PLCH2: variants seen among roughly 807,000 people sequenced by gnomAD.
PLCH2 encodes phospholipase C eta 2.
A neutral mutation model predicts 134.7 loss-of-function variants in PLCH2; 98 were observed. The ratio of observed to expected loss-of-function variants is 0.73; its 90% CI spans 0.62 to 0.86. PLCH2 has a LOEUF of 0.86. Ranked by LOEUF, PLCH2 falls within the 40% of genes least tolerant of loss-of-function variation. PLCH2 has a pLI of 0.00. For missense variants in PLCH2, 1,994 were observed against 1,986.6 expected, an observed-to-expected ratio of 1.00 and a Z score of -0.07; for synonymous variants, 974 against 827.5, an observed-to-expected ratio of 1.18 and a Z score of -3.04.
rs770391670 is a variant in PLCH2, at chr1:2,479,943, G to A, written c.481G>A (p.Asp161Asn). 1 of 1,608,324 alleles carries A rather than the reference G, an allele frequency of 6.2e-7. No homozygotes were observed. Among genetic ancestry groups the A allele is most frequent in the African/African-American group, 1.3e-5 (1 of 74,856 alleles). ...CCTCATGGCCGGCATCAGCGACGAG[G>A]ACAGCCTGGCTCGCCGCCAGCGCAC... ...RYLMAGISDEDSLARRQRTRD... is the reference protein window; with the variant it reads ...RYLMAGISDENSLARRQRTRD... Residue 161 changes from aspartate (D) to asparagine (N), a missense_variant, in exon 3 of 22, where the codon GAC becomes AAC. Asp to Asn is a conservative substitution (Grantham distance 23). Transcript: ENST00000378486.
chr1:2,480,840 A>T (rs4648638), intron 4 of PLCH2, among the ~76,000 whole-genome samples: 93,468 of 152,110 alleles, frequency 0.61, 28,859 homozygotes, highest in East Asian at 0.78. Flanking sequence ...CTGTTTCCGG[A>T]AAGCCTGCTG....
rs549247398 is a variant in PLCH2, at chr1:2,501,948, A to C, written c.2662-164A>C. 6 of 573,264 alleles carry C rather than the reference A, an allele frequency of 1.0e-5. No individual in the cohort carries two copies. The Admixed American group carries it at 2.2e-4, about 21-fold the overall frequency. 35.5% of individuals were successfully genotyped at this position (573,264 alleles called of 1,614,324 possible). A position where few individuals can be genotyped will look rare whatever the true frequency, so the allele number is the denominator to read the frequency against. On this transcript the variant is annotated intron_variant, in intron 20 of 21. Transcript: ENST00000378486. ...GCTGCCCTAGGGACCCTGCTCCTGA[A>C]GGCCCTGGTGTGTCCACACACCCCC...
intron 7 of PLCH2, 71 bp from the exon 8 acceptor site, chr1:2,487,527 G>A: frequency 1.3e-6 from 2 of 1,552,678 alleles, no homozygotes; most frequent in Non-Finnish European, 1.7e-6. Context: ...CCCTCTTTTG[G>A]TCGAAGCTCA....
intron 4 of PLCH2, among the ~76,000 whole-genome samples, chr1:2,480,727 C>T (rs1641917542): frequency 1.3e-5 from 2 of 152,228 alleles, no homozygotes; most frequent in South Asian, 4.1e-4. Context: ...CGCAGCAGCT[C>T]GTTACTTTCC....
Position 2,480,321 on chromosome 1 carries a change from G to A in PLCH2, c.645+9G>A, listed in dbSNP as rs1441304884. 6.2e-7 allele frequency: 1 copy of A among 1,610,218 alleles called. No homozygotes were observed. Among genetic ancestry groups the A allele is most frequent in the African/African-American group, 1.3e-5 (1 of 74,892 alleles). On this transcript the variant is annotated intron_variant, in intron 4 of 21. Coordinates refer to ENST00000378486, the MANE Select transcript of PLCH2 (RefSeq NM_014638.4). ...TGAAGCAGATGTTCAGGGTGAGCTG[G>A]GGGGAGCCCTACCTGGGCTCCAGAG...
chr1:2,472,383 C>T (rs1641365929), upstream of PLCH2, among the ~76,000 whole-genome samples: 1 of 152,210 alleles, frequency 6.6e-6, no homozygotes, highest in Non-Finnish European at 1.5e-5. Context: ...TCAGCCCCTC[C>T]TGCATGCTGG....
chr1:2,437,366 T>G (rs1035639050), intron 2 of PLCH2, among the ~76,000 whole-genome samples: 4 of 152,126 alleles, frequency 2.6e-5, no homozygotes, highest in African/African-American at 9.7e-5. Flanking sequence ...GACTTAGACC[T>G]CCTCTGGCCA....
intron 21 of PLCH2, 45 bp from the exon 22 acceptor site, chr1:2,503,877 C>T: frequency 1.5e-6 from 1 of 682,668 alleles, no homozygotes; most frequent in Non-Finnish European, 2.7e-6. Flanking sequence ...TCTCTCTCTT[C>T]TGCTTCTCCC....
chr1:2,433,235 T>C (rs1306690529), intron 2 of PLCH2, among the ~76,000 whole-genome samples: 1 of 152,108 alleles, frequency 6.6e-6, no homozygotes, highest in Non-Finnish European at 1.5e-5. Flanking sequence ...GGAGGACCAG[T>C]GTGCTGTGGT....
intron 2 of PLCH2, among the ~76,000 whole-genome samples, chr1:2,440,924 G>A (rs775947584): frequency 2.6e-5 from 4 of 152,178 alleles, no homozygotes; most frequent in Non-Finnish European, 4.4e-5. Context: ...TCCTCCTGGG[G>A]CCTCATCTGA....
At chr1:2,438,083 T>A (rs920426092) in intron 2 of PLCH2, among the ~76,000 whole-genome samples, 1 of 152,158 alleles carries the variant, frequency 6.6e-6, no homozygotes. Flanking sequence ...GCTTTGCAGG[T>A]CCCTGGGCTG....
chr1:2,467,185 G>A (rs1003473899), upstream of PLCH2, among the ~76,000 whole-genome samples: 20 of 151,938 alleles, frequency 1.3e-4, no homozygotes, highest in Admixed American at 1.0e-3. Context: ...CCTGCCGGGA[G>A]GGAGGGAGGG....
At chr1:2,459,939 G>A (rs976537792) in intron 2 of PLCH2, among the ~76,000 whole-genome samples, 31 of 152,254 alleles carry the variant, frequency 2.0e-4, no homozygotes, top group African/African-American at 6.5e-4. Flanking sequence ...GCCAGTGGAA[G>A]CGTCCATCGG....
intron 20 of PLCH2, chr1:2,500,000 G>A (rs1017917701): frequency 3.6e-6 from 2 of 554,730 alleles, no homozygotes; most frequent in Admixed American, 3.1e-5. Context: ...TGTCACCCAT[G>A]CCTGTCTCAG....
intron 21 of PLCH2, 52 bp from the exon 22 acceptor site, chr1:2,503,870 C>T (rs936582768): frequency 2.2e-5 from 15 of 671,580 alleles, no homozygotes; most frequent in East Asian, 8.1e-5. Context: ...GCCTCCCTCT[C>T]TCTCTTCTGC....
At chr1:2,431,607 A>G (rs1250199868) in intron 2 of PLCH2, among the ~76,000 whole-genome samples, 2 of 151,894 alleles carry the variant, frequency 1.3e-5, no homozygotes, top group African/African-American at 4.8e-5. Context: ...AGAGCTTCCA[A>G]CTCTGGCAGG....
At chr1:2,432,472 C>T (rs968374912) in intron 2 of PLCH2, among the ~76,000 whole-genome samples, 5 of 152,214 alleles carry the variant, frequency 3.3e-5, no homozygotes, top group Admixed American at 1.3e-4. Context: ...CTTGTGTATC[C>T]GTGGTAACGG....
Position 2,504,306 on chromosome 1 carries a change from T to C in PLCH2, c.3344T>C (p.Phe1115Ser). 6.2e-7 allele frequency: 1 copy of C among 1,605,164 alleles called. No homozygotes were observed. The highest frequency in any genetic ancestry group is 8.5e-7 in the Non-Finnish European group (1 of 1,177,086). ...LGGWRPLAAP[F>S]PAPAVYSDAT... is the part of the protein sequence containing the mutation. Reference sequence around the variant, plus strand: ...GGGTGGCGGCCCCTGGCCGCTCCCTTTCCAGCTCCTGCCGTGTACTCCGAT... The same window carrying C: ...GGGTGGCGGCCCCTGGCCGCTCCCTCTCCAGCTCCTGCCGTGTACTCCGAT... Residue 1115 changes from phenylalanine to serine, a missense_variant, in exon 22 of 22, where the codon TTT becomes TCT. Phe to Ser is a radical substitution (Grantham distance 155, BLOSUM62 -2). This residue lies in a region of PLCH2 where 900 missense variants were observed against 752.3 expected (regional missense o/e 1.20). Transcript: ENST00000378486.
upstream of PLCH2, chr1:2,476,221 A>G (rs762043160): frequency 1.9e-4 from 37 of 190,186 alleles, 1 homozygote; most frequent in Middle Eastern, 3.7e-3. Context: ...CTCGGCCTAA[A>G]TCCTCCACCA....
Sources: gnomAD v4.1 joint callset for allele counts (sites outside exome capture counted in the v4.1 genomes callset) on GRCh38, gnomAD v4.1.1 for gene constraint, gnomAD v4.1.1 regional missense constraint, MANE v1.5 for transcripts, NCBI Gene and HGNC (gene_info 2026-07-23, HGNC 2026-07-21) for gene names.